Variants in UNC93A observed in about 807,000 individuals in gnomAD.
The protein encoded by UNC93A is N-acetylglucosamine transporter UNC93A.
UNC93A carries 43 observed loss-of-function variants against 47.5 expected under a neutral mutation model. The observed-to-expected ratio is 0.91, with a 90% CI of 0.71 to 1.17. The LOEUF is 1.17. UNC93A is among the 50% of genes most tolerant of loss of function. The probability of loss-of-function intolerance (pLI) is 0.00; values close to 1 mark genes in which losing one functional copy is unlikely to be tolerated. For missense variants in UNC93A, 605 were observed against 577.6 expected (o/e 1.05, Z -0.49); for synonymous variants, 280 against 258.0 (o/e 1.09, Z -0.82).
chr6:167,269,695 C>T (rs1382299369), upstream of UNC93A, among the ~76,000 whole-genome samples: 1 of 152,132 alleles, frequency 6.6e-6, no homozygotes, highest in Non-Finnish European at 1.5e-5. Flanking sequence ...CCAGCTCCGC[C>T]TCCTGGGTTC....
chr6:167,304,560 T>TA (rs1035228873), intron 5 of UNC93A, among the ~76,000 whole-genome samples: 2 of 151,700 alleles, frequency 1.3e-5, no homozygotes, highest in Non-Finnish European at 2.9e-5. Flanking sequence ...TCTCTAGTTT[T>TA]TTTTTTTCTT....
intron 4 of UNC93A, among the ~76,000 whole-genome samples, chr6:167,300,451 G>A (rs1208665758): frequency 1.3e-5 from 2 of 152,074 alleles, no homozygotes; most frequent in East Asian, 3.9e-4. Context: ...GTGTGGCAGG[G>A]CCCCTAGGAG....
intron 7 of UNC93A, among the ~76,000 whole-genome samples, chr6:167,308,498 T>G (rs1583092694): frequency 6.6e-6 from 1 of 150,846 alleles, no homozygotes; most frequent in African/African-American, 2.4e-5. Context: ...GAGGCCAGGG[T>G]GGGCTTCCTC....
In UNC93A at chr6:167,291,415, C is replaced by A; in HGVS notation, c.-75C>A. 7.5e-7 allele frequency: 1 copy of A among 1,330,884 alleles called. No homozygotes were observed. The highest frequency in any genetic ancestry group is 1.1e-6 in the Non-Finnish European group (1 of 941,790). The allele number at this position is 1,330,884 out of a possible 1,614,324, so 82.4% of individuals were successfully genotyped here. ...ACTTCTTGGTACTGATTGTTTTTCC[C>A]ATGCCTCAATTGGTTTCTTTTAGGG... is the stretch of plus-strand genomic sequence containing the variant. On this transcript the variant is annotated 5_prime_UTR_variant, in exon 1 of 8. Transcript: ENST00000230256.
intron 7 of UNC93A, among the ~76,000 whole-genome samples, chr6:167,312,549 A>T (rs13209382): frequency 0.6 from 90,958 of 151,730 alleles, 27,535 homozygotes; most frequent in East Asian, 0.79. Context: ...TCACCATCCA[A>T]CACCACATTA....
chr6:167,312,481 A>C (rs1193898232), intron 7 of UNC93A, among the ~76,000 whole-genome samples: 2 of 152,180 alleles, frequency 1.3e-5, no homozygotes, highest in Non-Finnish European at 2.9e-5. Context: ...CGATGTATTT[A>C]TTACTCAATC....
upstream of UNC93A, among the ~76,000 whole-genome samples, chr6:167,288,406 ACT>A (rs971729253): frequency 6.6e-6 from 1 of 151,606 alleles, no homozygotes; most frequent in African/African-American, 2.4e-5. Flanking sequence ...AAGAGAAAAT[ACT>A]CTCTCAAGCC....
At chr6:167,306,247 GGCTCTGGGCAGGC>G (rs1778389187) in intron 6 of UNC93A, among the ~76,000 whole-genome samples, 197 bp downstream of exon 6, 1 of 152,204 alleles carries the variant, frequency 6.6e-6, no homozygotes. Context: ...TCCCCAAGCT[GGCTCTGGGCAGGC>G]ACTGTGCTCG....
chr6:167,298,054 C>A lies in UNC93A; in HGVS notation c.609C>A (p.Leu203=), dbSNP rs1295231066. 4 of 1,613,962 alleles carry A rather than the reference C, an allele frequency of 2.5e-6. No homozygotes were observed. The highest frequency in any genetic ancestry group is 3.3e-5 in the Admixed American group (2 of 60,028). ...CCTCCCAGCAGCTGGTCTACACCCT[C>A]CTGGGCATCTACACTGGTACGAGCT... The part of the protein sequence containing the change: ...QRPSQQLVYT[L]LGIYTGSGVL... Residue 203 remains leucine (L), a synonymous_variant, in exon 4 of 8, where the codon CTC becomes CTA. Coordinates refer to ENST00000230256, the MANE Select transcript of UNC93A (RefSeq NM_018974.4).
intron 1 of UNC93A, among the ~76,000 whole-genome samples, chr6:167,273,119 A>C (rs1287443518): frequency 6.6e-6 from 1 of 152,172 alleles, no homozygotes. Flanking sequence ...GCCGCCTTCT[A>C]ACCCAGGTGA....
chr6:167,307,919 C>T lies in UNC93A; in HGVS notation c.1108+9C>T. 6.2e-7 allele frequency: 1 copy of T among 1,613,162 alleles called. No individual in the cohort carries two copies. Among genetic ancestry groups the T allele is most frequent in the Non-Finnish European group, 8.5e-7 (1 of 1,179,550 alleles). On this transcript the variant is annotated intron_variant, in intron 7 of 7. Coordinates refer to ENST00000230256, the MANE Select transcript of UNC93A (RefSeq NM_018974.4). ...GCAGACACAAAACAATGGTGAGTCC[C>T]CAGCCCAGGCCCCTTCCTCTGTGGC...
chr6:167,312,544 A>G (rs1037128003), intron 7 of UNC93A, among the ~76,000 whole-genome samples: 8 of 152,188 alleles, frequency 5.3e-5, no homozygotes, highest in Admixed American at 1.3e-4. Flanking sequence ...TTGGGTCACC[A>G]TCCAACACCA....
intron 6 of UNC93A, 150 bp downstream of exon 6, chr6:167,306,200 C>A: frequency 8.8e-7 from 1 of 1,133,786 alleles, no homozygotes; most frequent in Non-Finnish European, 1.2e-6. Flanking sequence ...TCTTTCAGTC[C>A]TTTCTTCACC....
chr6:167,276,564 G>A (rs145300330), intron 1 of UNC93A, among the ~76,000 whole-genome samples: 100 of 152,232 alleles, frequency 6.6e-4, no homozygotes, highest in African/African-American at 2.3e-3. Flanking sequence ...TGACCTGCTC[G>A]AGGACACACA....
chr6:167,315,267 A>G lies in UNC93A; in HGVS notation c.1189A>G (p.Ile397Val), dbSNP rs562772866. The stretch of plus-strand genomic sequence containing the variant: ...CCTGTGGGAGGCCCTGGGCTTCGTC[A>G]TTGCCTTCGGGTACAGCATGTTTTT... ...YRLWEALGFV[I>V]AFGYSMFLCV... The change falls in exon 8 of 8, where the codon ATT becomes GTT. Residue 397 changes from isoleucine to valine, a missense_variant. Coordinates refer to ENST00000230256, the MANE Select transcript of UNC93A (RefSeq NM_018974.4). 1.9e-5 allele frequency: 30 copies of G among 1,613,676 alleles called. No individual in the cohort carries two copies. The highest frequency in any genetic ancestry group is 2.1e-5 in the Non-Finnish European group (25 of 1,179,814).
chr6:167,315,028 C>T (rs1015190141), intron 7 of UNC93A, among the ~76,000 whole-genome samples, 159 bp from the exon 8 acceptor site: 1 of 152,112 alleles, frequency 6.6e-6, no homozygotes, highest in Non-Finnish European at 1.5e-5. Flanking sequence ...TTTCGGGGTT[C>T]ATGCTATCAT....
chr6:167,297,148 G>A (rs775181745), intron 3 of UNC93A, among the ~76,000 whole-genome samples: 6 of 152,144 alleles, frequency 3.9e-5, no homozygotes, highest in East Asian at 1.9e-4. Flanking sequence ...TGCATATCAC[G>A]GCCAGTGAAG....
At chr6:167,306,986 C>A (rs1351971244) in intron 6 of UNC93A, among the ~76,000 whole-genome samples, 1 of 152,186 alleles carries the variant, frequency 6.6e-6, no homozygotes, top group Non-Finnish European at 1.5e-5. Flanking sequence ...CCCACAGATG[C>A]TACCTGCCTG....
intron 7 of UNC93A, among the ~76,000 whole-genome samples, chr6:167,310,328 A>G (rs1405495538): frequency 6.6e-6 from 1 of 152,294 alleles, no homozygotes; most frequent in African/African-American, 2.4e-5. Context: ...AATGAATGTG[A>G]TCATTCATAT....
Sources: allele counts gnomAD v4.1 joint callset (sites outside exome capture counted in the v4.1 genomes callset), GRCh38; gene constraint gnomAD v4.1.1; transcripts MANE v1.5; gene names NCBI Gene and HGNC (gene_info 2026-07-23, HGNC 2026-07-21).